Variants in SYT6 observed in about 807,000 individuals in gnomAD.
SYT6 encodes the protein synaptotagmin 6.
In SYT6, 24 loss-of-function variants were observed where a neutral mutation model predicts 38.4. The ratio of observed to expected loss-of-function variants is 0.62; its 90% confidence interval spans 0.45 to 0.88. SYT6 has a LOEUF of 0.88. Among genes scored for constraint, SYT6 ranks in the 40% least tolerant of loss-of-function variants. SYT6 has a pLI of 0.00. For synonymous variants in SYT6, 265 were observed against 241.9 expected (o/e 1.10, Z -0.89); for missense variants, 611 against 621.0 (o/e 0.98, Z 0.17).
At chr1:114,143,446 A>T (rs1004648800) in intron 1 of SYT6, among the ~76,000 whole-genome samples, 1 of 148,774 alleles carries the variant, frequency 6.7e-6, no homozygotes, top group Non-Finnish European at 1.5e-5. Flanking sequence ...AAAGTAGCAC[A>T]GTTTAAAAGT....
intron 3 of SYT6, among the ~76,000 whole-genome samples, chr1:114,106,496 C>G (rs1348052508): frequency 6.6e-5 from 10 of 152,100 alleles, no homozygotes; most frequent in Non-Finnish European, 1.3e-4. Flanking sequence ...TTCAGTGGTT[C>G]CCCTTGTTTG....
chr1:114,136,421 G>C (rs1469655957), intron 3 of SYT6, among the ~76,000 whole-genome samples: 1 of 152,234 alleles, frequency 6.6e-6, no homozygotes, highest in African/African-American at 2.4e-5. Flanking sequence ...GGAGCTTGGA[G>C]GGAATGCCCC....
intron 1 of SYT6, 47 bp from the exon 2 acceptor site, chr1:114,140,010 G>A (rs72690087): frequency 1.2e-5 from 14 of 1,165,546 alleles, no homozygotes; most frequent in African/African-American, 3.1e-5. Flanking sequence ...AGACAGAGGC[G>A]GGGAGAAGCG....
intron 6 of SYT6, among the ~76,000 whole-genome samples, chr1:114,096,378 G>A (rs1197746038): frequency 6.6e-6 from 1 of 152,212 alleles, no homozygotes; most frequent in Non-Finnish European, 1.5e-5. Context: ...GAAATATGAA[G>A]CCTCAACTGC....
chr1:114,091,803 C>A lies in SYT6; in HGVS notation c.*331G>T. ...CATAAAAAGTGAAAAACCACAAAAA[C>A]ATCACCTTGGGAGACACAAAAGACT... On this transcript the variant is annotated 3_prime_UTR_variant, in exon 8 of 8. Coordinates refer to ENST00000610222, the MANE Select transcript of SYT6 (RefSeq NM_001253772.2). 2.6e-6 allele frequency: 1 copy of A among 389,990 alleles called. No individual in the cohort carries two copies. The allele number at this position is 389,990 out of a possible 1,614,324, so 24.2% of individuals were successfully genotyped here.
At position 114,103,516 on chromosome 1, in the gene SYT6, G is replaced by A. The variant is rs562393413; in HGVS notation, c.1192+85C>T. The A allele has an allele frequency of 5.1e-5, 80 of 1,558,124 alleles. No individual in the cohort carries two copies. In the Admixed American group the frequency reaches 8.6e-4, roughly 17 times the overall value. ...CTGGTGCTTCTATTCTAAGAATGCT[G>A]ACAATTCTTTCTCCTTCTCCCCGAA... On this transcript the variant is annotated intron_variant, in intron 4 of 7. Transcript: ENST00000610222.
intron 3 of SYT6, among the ~76,000 whole-genome samples, chr1:114,111,773 A>T (rs536839255): frequency 6.6e-6 from 1 of 152,342 alleles, no homozygotes; most frequent in East Asian, 1.9e-4. Flanking sequence ...GAGGGGCTGC[A>T]GGAGGAGAGT....
At chr1:114,123,072 G>A (rs981406753) in intron 3 of SYT6, among the ~76,000 whole-genome samples, 1 of 152,184 alleles carries the variant, frequency 6.6e-6, no homozygotes, top group Admixed American at 6.5e-5. Flanking sequence ...CTGACTTTCA[G>A]CTAGTTCCTC....
intron 3 of SYT6, among the ~76,000 whole-genome samples, chr1:114,118,942 G>A (rs1677178650): frequency 2.6e-5 from 4 of 152,206 alleles, no homozygotes; most frequent in Admixed American, 2.0e-4. Flanking sequence ...GACCTGGGGT[G>A]GCTCCTATGT....
intron 3 of SYT6, among the ~76,000 whole-genome samples, chr1:114,104,242 A>C (rs1676141323): frequency 6.6e-6 from 1 of 152,240 alleles, no homozygotes; most frequent in Admixed American, 6.5e-5. Flanking sequence ...GTTCTTTGTC[A>C]ATCACAGCCA....
intron 3 of SYT6, among the ~76,000 whole-genome samples, chr1:114,126,064 C>T (rs951374217): frequency 6.6e-5 from 10 of 152,160 alleles, no homozygotes; most frequent in Admixed American, 5.9e-4. Context: ...AGAGTGAAAA[C>T]AAGGCAAGAG....
intron 3 of SYT6, among the ~76,000 whole-genome samples, chr1:114,117,470 T>G (rs1318388679): frequency 6.6e-6 from 1 of 152,066 alleles, no homozygotes; most frequent in Admixed American, 6.5e-5. Context: ...TCAGCAAAAG[T>G]TGGAGGAAGA....
chr1:114,122,379 C>G (rs529627153), intron 3 of SYT6, among the ~76,000 whole-genome samples: 1 of 152,290 alleles, frequency 6.6e-6, no homozygotes, highest in South Asian at 2.1e-4. Context: ...GGACTGGAGT[C>G]CTCCAGGGGG....
intron 3 of SYT6, among the ~76,000 whole-genome samples, chr1:114,121,901 TTGCA>T: frequency 6.6e-6 from 1 of 152,318 alleles, no homozygotes; most frequent in Middle Eastern, 3.4e-3. Flanking sequence ...TGAAATTGTA[TTGCA>T]CCCTAGTCAC....
chr1:114,132,787 T>C (rs564398561), intron 3 of SYT6, among the ~76,000 whole-genome samples: 1 of 152,322 alleles, frequency 6.6e-6, no homozygotes, highest in African/African-American at 2.4e-5. Flanking sequence ...TCTGTGACAG[T>C]GCTGTCCTGG....
chr1:114,119,355 G>A (rs1677232844), intron 3 of SYT6, among the ~76,000 whole-genome samples: 6 of 152,152 alleles, frequency 3.9e-5, no homozygotes. Flanking sequence ...GGGCTCCAGG[G>A]CACATGGACA....
At chr1:114,152,886 A>G (rs371290329) in intron 1 of SYT6, 1 of 152,220 alleles carries the variant, frequency 6.6e-6, no homozygotes, top group East Asian at 1.9e-4. Flanking sequence ...AAAGTCGGCT[A>G]GAGGCGCCAG....
intron 1 of SYT6, 130 bp downstream of exon 1, chr1:114,153,480 G>A: frequency 1.9e-6 from 1 of 537,176 alleles, no homozygotes; most frequent in Non-Finnish European, 3.3e-6. Flanking sequence ...GGACGAGGCT[G>A]GCTCCCAATC....
intron 3 of SYT6, among the ~76,000 whole-genome samples, chr1:114,112,991 T>G (rs907787377): frequency 3.3e-5 from 5 of 152,196 alleles, no homozygotes; most frequent in Non-Finnish European, 5.9e-5. Flanking sequence ...GGAATGTTTC[T>G]TGCAAACAAG....
Sources: allele counts gnomAD v4.1 joint callset (sites outside exome capture counted in the v4.1 genomes callset), GRCh38; gene constraint gnomAD v4.1.1; transcripts MANE v1.5; gene names NCBI Gene and HGNC (gene_info 2026-07-23, HGNC 2026-07-21).